The following TP53INP1 variants were observed in gnomAD, a reference collection of about 807,000 sequenced individuals.
The protein encoded by TP53INP1 is tumor protein p53 inducible nuclear protein 1.
A neutral mutation model predicts 21.0 loss-of-function variants in TP53INP1; 12 were observed. The observed-to-expected ratio is 0.57, with a 90% CI of 0.37 to 0.93. The LOEUF (loss-of-function observed/expected upper bound fraction) is 0.93. Among genes scored for constraint, TP53INP1 ranks in the 40% least tolerant of loss-of-function variants. The pLI is 0.01. For synonymous variants in TP53INP1, 91 were observed against 94.8 expected, an observed-to-expected ratio of 0.96 and a Z score of 0.23; for missense variants, 274 against 294.7, an observed-to-expected ratio of 0.93 and a Z score of 0.51.
chr8:94,946,450 C>T (rs1373389724), intron 1 of TP53INP1, among the ~76,000 whole-genome samples: 1 of 151,678 alleles, frequency 6.6e-6, no homozygotes, highest in Non-Finnish European at 1.5e-5. Context: ...TCTATAATCC[C>T]AGTGCTTTGG....
intron 3 of TP53INP1, among the ~76,000 whole-genome samples, chr8:94,938,244 C>G (rs1324782124): frequency 6.6e-6 from 1 of 152,170 alleles, no homozygotes; most frequent in African/African-American, 2.4e-5. Flanking sequence ...CATGCTCATA[C>G]AGTACGATGA....
chr8:94,947,475 AT>A (rs1340973970), intron 1 of TP53INP1, among the ~76,000 whole-genome samples: 1 of 152,212 alleles, frequency 6.6e-6, no homozygotes, highest in Non-Finnish European at 1.5e-5. Flanking sequence ...GTAATTTAAA[AT>A]GGGTTTTGAA....
chr8:94,943,322 C>T (rs976394494), intron 1 of TP53INP1, among the ~76,000 whole-genome samples: 1 of 152,014 alleles, frequency 6.6e-6, no homozygotes, highest in African/African-American at 2.4e-5. Flanking sequence ...CCTGTTTCTA[C>T]AAAAAAATTT....
Position 94,941,028 on chromosome 8 carries a change from CAG to C in TP53INP1, c.-89_-88del. Reference sequence around the variant, plus strand: ...TCTTTAGTTGGCCCAATGGTACCGACAGGAGATTAAAGTGCACAGGGTGCTTA... The same window carrying C: ...TCTTTAGTTGGCCCAATGGTACCGACGAGATTAAAGTGCACAGGGTGCTTA... On this transcript the variant is annotated 5_prime_UTR_variant, in exon 2 of 4. Coordinates refer to ENST00000342697, the MANE Select transcript of TP53INP1 (RefSeq NM_033285.4). The C allele has an allele frequency of 1.0e-6, 1 of 964,732 alleles. No individual in the cohort carries two copies. Among genetic ancestry groups the C allele is most frequent in the Non-Finnish European group, 1.6e-6 (1 of 621,204 alleles). 59.8% of individuals were successfully genotyped at this position (964,732 alleles called of 1,614,324 possible). A position where few individuals can be genotyped will look rare whatever the true frequency, so the allele number is the denominator to read the frequency against.
At chr8:94,933,420 T>C (rs1820627271) in intron 3 of TP53INP1, among the ~76,000 whole-genome samples, 1 of 151,940 alleles carries the variant, frequency 6.6e-6, no homozygotes, top group African/African-American at 2.4e-5. Context: ...GAAGAAGAAA[T>C]CTACTGAAAC....
intron 1 of TP53INP1, among the ~76,000 whole-genome samples, chr8:94,944,478 T>C (rs1209806260): frequency 6.6e-6 from 1 of 152,226 alleles, no homozygotes; most frequent in African/African-American, 2.4e-5. Context: ...AAGGCTTCTC[T>C]GGAGGAGCTT....
chr8:94,940,694 A>G (rs1821447433), intron 2 of TP53INP1, 136 bp downstream of exon 2: 2 of 650,394 alleles, frequency 3.1e-6, no homozygotes, highest in Admixed American at 3.2e-5. Flanking sequence ...GTTTCCTGCA[A>G]TTTTTTAAAG....
intron 3 of TP53INP1, among the ~76,000 whole-genome samples, chr8:94,936,940 A>AGG (rs781531007): frequency 1.3e-5 from 2 of 152,212 alleles, no homozygotes; most frequent in Non-Finnish European, 2.9e-5. Context: ...ACTACTGATG[A>AGG]GGGGCAGATT....
At chr8:94,930,946 C>T (rs114691680) in intron 3 of TP53INP1, among the ~76,000 whole-genome samples, 3,119 of 152,222 alleles carry the variant, frequency 0.02, 37 homozygotes, top group African/African-American at 0.032. Flanking sequence ...GCCATATAAG[C>T]CCCAGATGGC....
chr8:94,938,203 C>CT (rs1299532072), intron 3 of TP53INP1, among the ~76,000 whole-genome samples: 5 of 152,142 alleles, frequency 3.3e-5, no homozygotes, highest in Admixed American at 6.5e-5. Context: ...ATCAATTAAC[C>CT]TGCAAACCTG....
chr8:94,932,355 G>T (rs1820492555), intron 3 of TP53INP1, among the ~76,000 whole-genome samples: 1 of 152,178 alleles, frequency 6.6e-6, no homozygotes. Flanking sequence ...GTGCTTTATG[G>T]TAATATCCCC....
intron 2 of TP53INP1, among the ~76,000 whole-genome samples, 174 bp downstream of exon 2, chr8:94,940,656 A>G (rs1586736728): frequency 6.6e-6 from 1 of 152,200 alleles, no homozygotes; most frequent in African/African-American, 2.4e-5. Flanking sequence ...ATGTCAGTCA[A>G]TTTCACTGAC....
At chr8:94,937,450 A>AAC (rs1345841872) in intron 3 of TP53INP1, among the ~76,000 whole-genome samples, 2 of 151,870 alleles carry the variant, frequency 1.3e-5, no homozygotes, top group Non-Finnish European at 2.9e-5. Context: ...CAAAAAAAAA[A>AAC]AAAAACCCAA....
At chr8:94,946,696 C>CAAAAAAACAAAAAAAAA (rs1822029366) in intron 1 of TP53INP1, among the ~76,000 whole-genome samples, 1 of 34,688 alleles carries the variant, frequency 2.9e-5, no homozygotes, top group African/African-American at 9.5e-5. Flanking sequence ...GACCCTGTCT[C>CAAAAAAACAAAAAAAAA]AAAAAAAAAA....
intron 1 of TP53INP1, among the ~76,000 whole-genome samples, chr8:94,942,669 G>A (rs2956213): frequency 6.6e-6 from 1 of 152,234 alleles, no homozygotes; most frequent in Non-Finnish European, 1.5e-5. Flanking sequence ...CCTCCCACAA[G>A]TTTAACAATC....
At chr8:94,939,660 A>T (rs1320474485) in intron 3 of TP53INP1, 200 bp downstream of exon 3, 2 of 730,934 alleles carry the variant, frequency 2.7e-6, no homozygotes. Context: ...GGCCTCCCAA[A>T]GTGCTGGGAT....
At chr8:94,940,406 A>G (rs1467207850) in intron 2 of TP53INP1, among the ~76,000 whole-genome samples, 186 bp from the exon 3 acceptor site, 1 of 151,876 alleles carries the variant, frequency 6.6e-6, no homozygotes. Flanking sequence ...ATTTATATTC[A>G]TCTATATGAC....
intron 3 of TP53INP1, among the ~76,000 whole-genome samples, chr8:94,933,837 G>GA (rs1380216706): frequency 2.0e-5 from 3 of 148,148 alleles, no homozygotes; most frequent in African/African-American, 7.5e-5. Context: ...CACTTTGTGG[G>GA]GGGGGGGGGA....
chr8:94,932,046 C>G lies in TP53INP1; in HGVS notation c.474-1318G>C, dbSNP rs1327309391. The G allele has an allele frequency of 2.5e-6, 4 of 1,603,434 alleles. No homozygotes were observed. The African/African-American group carries it at 5.3e-5, about 21-fold the overall frequency. On this transcript the variant is annotated intron_variant, in intron 3 of 3. Coordinates refer to ENST00000342697, the MANE Select transcript of TP53INP1 (RefSeq NM_033285.4). ...CCTCCCTATGCATACATATATCACA[C>G]AGTCTCAAAGTGAATATACTTACTC...
Sources: gnomAD v4.1 joint callset for allele counts (sites outside exome capture counted in the v4.1 genomes callset) on GRCh38, gnomAD v4.1.1 for gene constraint, MANE v1.5 for transcripts, NCBI Gene and HGNC (gene_info 2026-07-23, HGNC 2026-07-21) for gene names.